Variants in FAT4 observed in about 807,000 individuals in gnomAD.
FAT4 encodes FAT atypical cadherin 4.
FAT4 carries 84 observed loss-of-function variants against 303.9 expected under a neutral mutation model. The observed-to-expected ratio is 0.28, with a 90% CI of 0.23 to 0.33. The LOEUF (loss-of-function observed/expected upper bound fraction) is 0.33. Ranked by LOEUF, FAT4 falls within the 10% of genes least tolerant of loss-of-function variation. The probability of loss-of-function intolerance (pLI) is 1.00; values close to 1 mark genes in which losing one functional copy is unlikely to be tolerated. For missense variants in FAT4, 6,005 were observed against 6,146.8 expected (o/e 0.98, Z 0.77); for synonymous variants, 2,307 against 2,298.8 (o/e 1.00, Z -0.10).
intron 2 of FAT4, among the ~76,000 whole-genome samples, chr4:125,328,413 T>C (rs1192970094): frequency 6.6e-6 from 1 of 152,188 alleles, no homozygotes; most frequent in Non-Finnish European, 1.5e-5. Flanking sequence ...TTATATGTGG[T>C]AATTAAACAG....
intron 5 of FAT4, among the ~76,000 whole-genome samples, chr4:125,411,936 A>T (rs1734863866): frequency 6.6e-6 from 1 of 151,398 alleles, no homozygotes; most frequent in African/African-American, 2.4e-5. Context: ...TAACTAAATG[A>T]CTTGGAGAAC....
At chr4:125,397,499 G>A (rs1734230807) in intron 2 of FAT4, among the ~76,000 whole-genome samples, 2 of 152,218 alleles carry the variant, frequency 1.3e-5, no homozygotes, top group South Asian at 4.1e-4. Flanking sequence ...AATCAGAAGT[G>A]TCAGATTTCT....
chr4:125,490,505 T>C lies in FAT4; in HGVS notation c.13689T>C (p.Asn4563=), dbSNP rs375006866. The C allele has an allele frequency of 6.2e-7, 1 of 1,614,054 alleles. No individual in the cohort carries two copies. ...SENVAFDDPD[N]IPPYGDDMTV... is the part of the protein sequence containing the mutation. ...ACGTTGCTTTTGATGACCCTGACAA[T>C]ATCCCTCCCTATGGGGATGACATGA... Residue 4563 remains asparagine (N), a synonymous_variant, in exon 18 of 18, where the codon AAT becomes AAC. Coordinates refer to ENST00000394329, the MANE Select transcript of FAT4 (RefSeq NM_001291303.3).
At chr4:125,393,458 G>T (rs1019926433) in intron 2 of FAT4, among the ~76,000 whole-genome samples, 7 of 151,978 alleles carry the variant, frequency 4.6e-5, no homozygotes, top group African/African-American at 1.7e-4. Flanking sequence ...AATATATAAT[G>T]GTTTGATATT....
chr4:125,478,525 CTGTT>C (rs539031034), intron 14 of FAT4, among the ~76,000 whole-genome samples: 6 of 151,804 alleles, frequency 4.0e-5, no homozygotes, highest in African/African-American at 1.2e-4. Context: ...AATGATGTTT[CTGTT>C]TGTTTGTTTG....
Position 125,366,122 on chromosome 4 carries a change from A to G in FAT4, c.5176-32662A>G, listed in dbSNP as rs117828564. ...TTCCACAAAACTGGTCCCTGGTGCCAAAAAGGTTGGGGACTGCTGATATAG... is the reference window on the plus strand; with the variant it reads ...TTCCACAAAACTGGTCCCTGGTGCCGAAAAGGTTGGGGACTGCTGATATAG... On this transcript the variant is annotated intron_variant, in intron 2 of 17. Coordinates refer to ENST00000394329, the MANE Select transcript of FAT4 (RefSeq NM_001291303.3). Among the ~76,000 whole-genome samples, 842 of 152,212 alleles carry G rather than the reference A, an allele frequency of 5.5e-3. 36 individuals carry two copies. The East Asian group carries it at 0.082, about 15-fold the overall frequency.
At chr4:125,488,171 A>G (rs1727478791) in intron 17 of FAT4, among the ~76,000 whole-genome samples, 1 of 152,194 alleles carries the variant, frequency 6.6e-6, no homozygotes, top group African/African-American at 2.4e-5. Context: ...ACGAAAGGTT[A>G]ATTTATGTTG....
At chr4:125,488,152 T>A (rs1727477506) in intron 17 of FAT4, among the ~76,000 whole-genome samples, 1 of 152,160 alleles carries the variant, frequency 6.6e-6, no homozygotes, top group South Asian at 2.1e-4. Context: ...ATGAGGAGGA[T>A]GAAAGTGTAC....
At chr4:125,328,280 A>G (rs1249536541) in intron 2 of FAT4, among the ~76,000 whole-genome samples, 5 of 152,198 alleles carry the variant, frequency 3.3e-5, no homozygotes, top group Non-Finnish European at 7.3e-5. Context: ...CACACATGTA[A>G]TTATATATTA....
chr4:125,405,185 C>T (rs1333602613), intron 3 of FAT4, among the ~76,000 whole-genome samples: 1 of 152,072 alleles, frequency 6.6e-6, no homozygotes, highest in African/African-American at 2.4e-5. Flanking sequence ...AAACCTATAT[C>T]ACCTTTTTTT....
rs1452214267 is a variant in FAT4 at position 125,316,002 on chromosome 4, C to T, written c.-13+25C>T. ...GGTAAGTTCTAAAGTTTCTGAAGAC[C>T]GTTCTTTGCAATGATTCCTCATATA... On this transcript the variant is annotated intron_variant, in intron 1 of 17. Coordinates refer to ENST00000394329, the MANE Select transcript of FAT4 (RefSeq NM_001291303.3). This position sits in a 1 kb window ranked among gnomAD's most constrained non-coding sequence, Gnocchi z 5.7. Among the ~76,000 whole-genome samples the T allele has an allele frequency of 6.6e-6, 1 of 152,144 alleles. No individual in the cohort carries two copies. Among genetic ancestry groups the T allele is most frequent in the Non-Finnish European group, 1.5e-5 (1 of 68,032 alleles).
rs755511159 is a variant in FAT4, at chr4:125,317,443, G to A, written c.1032G>A (p.Leu344=). Residue 344 remains leucine (L), a synonymous_variant, in exon 2 of 18, where the codon CTG becomes CTA. Transcript: ENST00000394329. This position sits in a 1 kb window ranked among gnomAD's most constrained non-coding sequence, Gnocchi z 7.0. ...GCGCCGAGGCGCTGATTCAGCTGCT[G>A]GACGTGAATGACAATGACCCGGTAG... ...TGRAEALIQL[L]DVNDNDPVVK... The A allele has an allele frequency of 3.7e-6, 6 of 1,613,510 alleles. No individual in the cohort carries two copies. Among genetic ancestry groups the A allele is most frequent in the Non-Finnish European group, 4.2e-6 (5 of 1,180,056 alleles).
chr4:125,459,804 A>C (rs1389776769), intron 10 of FAT4, among the ~76,000 whole-genome samples: 1 of 152,146 alleles, frequency 6.6e-6, no homozygotes, highest in Non-Finnish European at 1.5e-5. Flanking sequence ...GTGCTTCAAC[A>C]CATCAGATTA....
intron 2 of FAT4, among the ~76,000 whole-genome samples, chr4:125,337,591 AG>A (rs1229411432): frequency 4.0e-5 from 6 of 150,902 alleles, no homozygotes; most frequent in African/African-American, 1.5e-4. Flanking sequence ...GTGTAGATTT[AG>A]TAGTAGAAGA....
intron 2 of FAT4, among the ~76,000 whole-genome samples, chr4:125,389,396 A>G (rs1733890211): frequency 6.6e-6 from 1 of 152,178 alleles, no homozygotes; most frequent in South Asian, 2.1e-4. Flanking sequence ...GGCCTTTAGT[A>G]TGCATGATAA....
Position 125,408,746 on chromosome 4 carries a change from C to T in FAT4, c.5872C>T (p.Pro1958Ser), listed in dbSNP as rs751834056. Residue 1958 changes from proline to serine, a missense_variant, in exon 5 of 18, where the codon CCT becomes TCT. Physicochemically the swap from Pro to Ser is moderately conservative, Grantham distance 74 (BLOSUM62 -1). Transcript: ENST00000394329. ...CAGCACATCTTTAATGGAGAATCTA[C>T]CTGTGGGATCTACTGTTCTTGTGTT... ...SYSTSLMENL[P>S]VGSTVLVFNV... 1 of 1,603,564 alleles carries T rather than the reference C, an allele frequency of 6.2e-7. No individual in the cohort carries two copies. The highest frequency in any genetic ancestry group is 8.5e-7 in the Non-Finnish European group (1 of 1,174,170).
intron 8 of FAT4, among the ~76,000 whole-genome samples, chr4:125,440,581 T>TTGTGTGTG (rs768799104): frequency 6.8e-5 from 8 of 117,688 alleles, no homozygotes; most frequent in African/African-American, 3.0e-4. Context: ...TTCTCAGTAC[T>TTGTGTGTG]TGTGTGTGTG....
chr4:125,446,567 A>G lies in FAT4; in HGVS notation c.7450+24A>G, dbSNP rs778760283. 1.1e-5 allele frequency: 17 copies of G among 1,585,032 alleles called. No individual in the cohort carries two copies. In the South Asian group the frequency reaches 1.3e-4, roughly 13 times the overall value. Reference sequence around the variant, plus strand: ...AGGTAATCAACCAAATTCTGAGGCCACATGGATATAAACAAACTATGTATC... The same window carrying G: ...AGGTAATCAACCAAATTCTGAGGCCGCATGGATATAAACAAACTATGTATC... On this transcript the variant is annotated intron_variant, in intron 9 of 17. Transcript: ENST00000394329.
chr4:125,485,559 A>AT (rs1727378464), intron 16 of FAT4, among the ~76,000 whole-genome samples: 1 of 152,176 alleles, frequency 6.6e-6, no homozygotes, highest in South Asian at 2.1e-4. Context: ...TTCAGGGACA[A>AT]TAACACAGAT....
Sources: allele counts gnomAD v4.1 joint callset (sites outside exome capture counted in the v4.1 genomes callset), GRCh38; gene constraint gnomAD v4.1.1; non-coding constraint Gnocchi (gnomAD v3.1); transcripts MANE v1.5; gene names NCBI Gene and HGNC (gene_info 2026-07-23, HGNC 2026-07-21).